The following NALCN variants were observed in gnomAD, a reference collection of about 807,000 sequenced individuals.
The protein encoded by NALCN is sodium leak channel NALCN.
NALCN carries 111 observed loss-of-function variants against 225.3 expected under a neutral mutation model. The ratio of observed to expected loss-of-function variants is 0.49; its 90% CI spans 0.42 to 0.58. NALCN has a LOEUF of 0.58. Ranked by LOEUF, NALCN falls within the 20% of genes least tolerant of loss-of-function variation. The pLI is 0.00. For missense variants in NALCN, 1,378 were observed against 2,202.4 expected (o/e 0.63, Z 7.49); for synonymous variants, 764 against 769.0 (o/e 0.99, Z 0.11).
At chr13:101,176,395 A>C (rs753401440) in intron 14 of NALCN, 21 bp from the exon 15 acceptor site, 8 of 1,570,282 alleles carry the variant, frequency 5.1e-6, no homozygotes, top group African/African-American at 1.4e-5. Context: ...GTGAAATAAC[A>C]ATGAAAAAAC....
chr13:101,077,548 G>A (rs573857289), intron 34 of NALCN, among the ~76,000 whole-genome samples: 1 of 152,296 alleles, frequency 6.6e-6, no homozygotes, highest in Admixed American at 6.5e-5. Context: ...TTAGCAAAGA[G>A]ACTGGCAGCA....
intron 11 of NALCN, among the ~76,000 whole-genome samples, chr13:101,247,164 G>C (rs548671771): frequency 6.6e-6 from 1 of 152,262 alleles, no homozygotes; most frequent in Admixed American, 6.5e-5. Flanking sequence ...TGAAAAGACA[G>C]GGACTAGAAT....
chr13:101,173,366 C>A (rs1398055577), intron 15 of NALCN, among the ~76,000 whole-genome samples: 1 of 152,130 alleles, frequency 6.6e-6, no homozygotes, highest in Non-Finnish European at 1.5e-5. Flanking sequence ...TGAATCAATA[C>A]AGTTTAGAGG....
chr13:101,203,836 T>A (rs987417015), intron 13 of NALCN, among the ~76,000 whole-genome samples: 1 of 152,190 alleles, frequency 6.6e-6, no homozygotes, highest in Non-Finnish European at 1.5e-5. Context: ...CCTATAAAAG[T>A]TAAACAAAGA....
chr13:101,309,592 A>G (rs1218706794), intron 7 of NALCN, among the ~76,000 whole-genome samples: 1 of 152,190 alleles, frequency 6.6e-6, no homozygotes, highest in African/African-American at 2.4e-5. Flanking sequence ...AAATTTCAGC[A>G]AGACTCTAGT....
chr13:101,143,266 G>C (rs930990964), intron 16 of NALCN, 45 bp from the exon 17 acceptor site: 3 of 1,534,966 alleles, frequency 2.0e-6, no homozygotes, highest in African/African-American at 1.4e-5. Context: ...TTAGTGGAAG[G>C]GAGCAAGTGA....
chr13:101,378,976 T>C (rs542056107), intron 3 of NALCN, among the ~76,000 whole-genome samples: 2 of 152,264 alleles, frequency 1.3e-5, no homozygotes, highest in South Asian at 4.1e-4. Context: ...ATGTAGGTCC[T>C]AAGCCAGCTC....
At position 101,246,789 on chromosome 13, in the gene NALCN, C is replaced by T. The variant is rs559219588; in HGVS notation, c.1267-8867G>A. Among the ~76,000 whole-genome samples the T allele has an allele frequency of 9.7e-4, 148 of 152,258 alleles. 1 individual carries two copies. The highest frequency in any genetic ancestry group is 6.8e-3 in the Middle Eastern group (2 of 294). On this transcript the variant is annotated intron_variant, in intron 11 of 43. Coordinates refer to ENST00000251127, the MANE Select transcript of NALCN (RefSeq NM_052867.4). ...AATTTTTATGATTAATGAACTCAAA[C>T]GTGGGTGTCAGATTTTGTTGGGGCC...
At chr13:101,366,511 G>A (rs971665927) in intron 6 of NALCN, among the ~76,000 whole-genome samples, 3 of 152,106 alleles carry the variant, frequency 2.0e-5, no homozygotes, top group East Asian at 1.9e-4. Context: ...TCTCTTAATC[G>A]TTTCTCTTAA....
intron 11 of NALCN, among the ~76,000 whole-genome samples, chr13:101,241,832 T>C (rs1427417551): frequency 2.7e-5 from 1 of 36,366 alleles, no homozygotes; most frequent in African/African-American, 9.2e-5. Context: ...TCCTTCCTGA[T>C]GTTATGTGGG....
At chr13:101,069,650 T>C (rs1331690012) in intron 37 of NALCN, among the ~76,000 whole-genome samples, 1 of 152,244 alleles carries the variant, frequency 6.6e-6, no homozygotes, top group Non-Finnish European at 1.5e-5. Flanking sequence ...TGCTGTTTGC[T>C]AGCATTTTAC....
At position 101,284,078 on chromosome 13, in the gene NALCN, T is replaced by C. The variant is rs924334695; in HGVS notation, c.1048-59A>G. 29 of 1,378,362 alleles carry C rather than the reference T, an allele frequency of 2.1e-5. No individual in the cohort carries two copies. The African/African-American group carries it at 3.5e-4, about 17-fold the overall frequency. The allele number at this position is 1,378,362 out of a possible 1,614,324, so 85.4% of individuals were successfully genotyped here. A position where few individuals can be genotyped will look rare whatever the true frequency, so the allele number is the denominator to read the frequency against. On this transcript the variant is annotated intron_variant, in intron 9 of 43. Coordinates refer to ENST00000251127, the MANE Select transcript of NALCN (RefSeq NM_052867.4). ...ATTTAATATGGAACATTGAGAACTC[T>C]ATGTCTCCAGCTTTGTATATTTTTA...
chr13:101,073,654 C>G lies in NALCN; in HGVS notation c.4127G>C (p.Gly1376Ala), dbSNP rs2033051850. The G allele has an allele frequency of 1.2e-6, 2 of 1,612,600 alleles. No individual in the cohort carries two copies. The highest frequency in any genetic ancestry group is 2.2e-5 in the South Asian group (2 of 90,786). Residue 1376 changes from glycine (G) to alanine (A), a missense_variant, in exon 37 of 44, where the codon GGA becomes GCA. Gly to Ala is a moderately conservative substitution (Grantham distance 60, BLOSUM62 0). Around this residue, in one of 19 missense-constraint regions of NALCN, gnomAD observed 76 missense variants for 118.7 expected, o/e 0.64. Coordinates refer to ENST00000251127, the MANE Select transcript of NALCN (RefSeq NM_052867.4). ...INRHANFSSA[G>A]KAITVLFRIV... ...TCGGAACAGTACGGTAATAGCTTTTCCAGCCGAAGAAAAATTTGCATGCCT... is the reference window on the plus strand; with the variant it reads ...TCGGAACAGTACGGTAATAGCTTTTGCAGCCGAAGAAAAATTTGCATGCCT...
intron 1 of NALCN, among the ~76,000 whole-genome samples, chr13:101,406,539 C>G (rs1365192865): frequency 6.6e-6 from 1 of 152,112 alleles, no homozygotes; most frequent in East Asian, 1.9e-4. Flanking sequence ...TTTACAAACT[C>G]TTGGCATCAA....
intron 10 of NALCN, among the ~76,000 whole-genome samples, chr13:101,267,224 C>T (rs1280488937): frequency 2.0e-5 from 3 of 152,186 alleles, no homozygotes; most frequent in Admixed American, 2.0e-4. Flanking sequence ...GATGTGAAAT[C>T]ACAAATCAAC....
intron 6 of NALCN, among the ~76,000 whole-genome samples, chr13:101,352,104 C>A (rs2045923188): frequency 6.6e-6 from 1 of 152,130 alleles, no homozygotes; most frequent in Non-Finnish European, 1.5e-5. Flanking sequence ...GACAAGCCTA[C>A]TCTATGCCAC....
At chr13:101,161,849 G>T (rs1382783194) in intron 15 of NALCN, among the ~76,000 whole-genome samples, 4 of 152,210 alleles carry the variant, frequency 2.6e-5, no homozygotes, top group African/African-American at 9.7e-5. Flanking sequence ...TCCAGCCTGG[G>T]TGACAGAGTG....
intron 15 of NALCN, among the ~76,000 whole-genome samples, chr13:101,145,581 C>T (rs1170675822): frequency 6.6e-6 from 1 of 152,154 alleles, no homozygotes; most frequent in Non-Finnish European, 1.5e-5. Flanking sequence ...TCAGGTTTAA[C>T]ATCATAAACT....
intron 6 of NALCN, among the ~76,000 whole-genome samples, chr13:101,360,552 T>C (rs1318802902): frequency 2.0e-5 from 3 of 152,050 alleles, no homozygotes; most frequent in East Asian, 3.9e-4. Context: ...TATTTCTTTA[T>C]AGCAATGAAA....
Sources: gnomAD v4.1 joint callset for allele counts (sites outside exome capture counted in the v4.1 genomes callset) on GRCh38, gnomAD v4.1.1 for gene constraint, gnomAD v4.1.1 regional missense constraint, MANE v1.5 for transcripts, NCBI Gene and HGNC (gene_info 2026-07-23, HGNC 2026-07-21) for gene names.